Variants in KCNK12 observed in about 807,000 individuals in gnomAD.
The protein encoded by KCNK12 is potassium channel subfamily K member 12.
A neutral mutation model predicts 25.3 loss-of-function variants in KCNK12; 6 were observed. The ratio of observed to expected loss-of-function variants is 0.24; its 90% CI spans 0.13 to 0.47. KCNK12 has a LOEUF of 0.47. Ranked by LOEUF, KCNK12 falls within the 20% of genes least tolerant of loss-of-function variation. The pLI is 0.99. For synonymous variants in KCNK12, 331 were observed against 311.1 expected, an observed-to-expected ratio of 1.06 and a Z score of -0.67; for missense variants, 444 against 661.7, an observed-to-expected ratio of 0.67 and a Z score of 3.61.
intron 1 of KCNK12, chr2:47,535,265 GTGTC>G (rs1481443531): frequency 8.6e-6 from 2 of 233,064 alleles, no homozygotes; most frequent in Non-Finnish European, 1.7e-5. Context: ...GGAGAGCTGT[GTGTC>G]TGCTCTGCTA....
rs1668634282 is a variant in KCNK12, at chr2:47,520,811, A to T, written c.*96T>A. ...TTTTTTTGTTTCATTTTATTGGATA[A>T]AGATTAAGAAAGCGCCAGCAGTGAC... is the stretch of plus-strand genomic sequence containing the variant. On this transcript the variant is annotated 3_prime_UTR_variant, in exon 2 of 2. Coordinates refer to ENST00000327876, the MANE Select transcript of KCNK12 (RefSeq NM_022055.2). This position sits in a 1 kb window ranked among gnomAD's most constrained non-coding sequence, Gnocchi z 5.0. 3.4e-6 allele frequency: 3 copies of T among 882,698 alleles called. No individual in the cohort carries two copies. The highest frequency in any genetic ancestry group is 5.7e-5 in the South Asian group (1 of 17,558). The allele number at this position is 882,698 out of a possible 1,614,324, so 54.7% of individuals were successfully genotyped here. A position where few individuals can be genotyped will look rare whatever the true frequency, so the allele number is the denominator to read the frequency against.
chr2:47,521,877 GGTGT>G, intron 1 of KCNK12, 69 bp from the exon 2 acceptor site: 4 of 1,299,578 alleles, frequency 3.1e-6, no homozygotes, highest in African/African-American at 1.5e-5. Flanking sequence ...GAGGGTGGGG[GGTGT>G]GGGGGCGGGG....
chr2:47,535,566 T>C (rs910625398), intron 1 of KCNK12, among the ~76,000 whole-genome samples: 1 of 152,042 alleles, frequency 6.6e-6, no homozygotes, highest in African/African-American at 2.4e-5. Context: ...AAGTGAGGGA[T>C]GGTGGGGACT....
chr2:47,552,005 G>C (rs867367382), intron 1 of KCNK12, among the ~76,000 whole-genome samples: 2 of 152,274 alleles, frequency 1.3e-5, no homozygotes, highest in African/African-American at 4.8e-5. Flanking sequence ...CCCTGGGGAC[G>C]ACCGGTGGTG....
At chr2:47,554,113 A>G (rs1010245514) in intron 1 of KCNK12, among the ~76,000 whole-genome samples, 3 of 152,230 alleles carry the variant, frequency 2.0e-5, no homozygotes, top group Non-Finnish European at 2.9e-5. Context: ...CCCATTTTAT[A>G]AATGTTAAAA....
chr2:47,570,352 G>A lies in KCNK12; in HGVS notation c.-21C>T, dbSNP rs1026357803. The A allele has an allele frequency of 4.6e-5, 57 of 1,227,528 alleles. No homozygotes were observed. Among genetic ancestry groups the A allele is most frequent in the Non-Finnish European group, 5.6e-5 (55 of 986,320 alleles). The allele number at this position is 1,227,528 out of a possible 1,614,324, so 76.0% of individuals were successfully genotyped here. A position where few individuals can be genotyped will look rare whatever the true frequency, so the allele number is the denominator to read the frequency against. ...GACATGGTCCGGAGCTCAGCCCCGG[G>A]GCCGGGGCGGCGCTCGGGGCCCGGG... On this transcript the variant is annotated 5_prime_UTR_variant, in exon 1 of 2. Transcript: ENST00000327876.
In KCNK12 at chr2:47,520,838, G is replaced by A. The variant is rs1437578777; in HGVS notation, c.*69C>T. ...GATTAAGAAAGCGCCAGCAGTGACT[G>A]AGAGAAGCAAACCACGCCCGGCGGC... On this transcript the variant is annotated 3_prime_UTR_variant, in exon 2 of 2. Transcript: ENST00000327876. The surrounding 1 kb of genome is among the most constrained non-coding windows in gnomAD (Gnocchi z 5.0). 3 of 1,078,458 alleles carry A rather than the reference G, an allele frequency of 2.8e-6. No individual in the cohort carries two copies. In the Admixed American group the frequency reaches 1.3e-4, roughly 46 times the overall value. 66.8% of individuals were successfully genotyped at this position (1,078,458 alleles called of 1,614,324 possible).
rs1463692794 is a variant in KCNK12, at chr2:47,519,267, G to A, written c.*1640C>T. 6.6e-6 allele frequency: 1 copy of A among 152,232 alleles called. No homozygotes were observed. Among genetic ancestry groups the A allele is most frequent in the Non-Finnish European group, 1.5e-5 (1 of 68,054 alleles). 9.4% of individuals were successfully genotyped at this position (152,232 alleles called of 1,614,324 possible). On this transcript the variant is annotated 3_prime_UTR_variant, in exon 2 of 2. Transcript: ENST00000327876. ...GGGGAAAGAAGAGTTTGACATTCAAGTTTGACTCTAATGCTGGGTGCGTGA... is the reference window on the plus strand; with the variant it reads ...GGGGAAAGAAGAGTTTGACATTCAAATTTGACTCTAATGCTGGGTGCGTGA...
At chr2:47,564,447 A>C (rs1669750648) in intron 1 of KCNK12, 1 of 223,478 alleles carries the variant, frequency 4.5e-6, no homozygotes, top group African/African-American at 2.2e-5. Context: ...ACACCCAGCT[A>C]TCCAGCAATA....
rs72888274 is a variant in KCNK12, at chr2:47,512,385, C to T, written c.*8522G>A. 832 of 1,611,820 alleles carry T rather than the reference C, an allele frequency of 5.2e-4. 5 individuals are homozygous for T. In the African/African-American group the frequency reaches 9.0e-3, roughly 17 times the overall value. On this transcript the variant is annotated 3_prime_UTR_variant, in exon 2 of 2. Transcript: ENST00000327876. Reference sequence around the variant, plus strand: ...AAACTTCGTGGGGGAAAGAGATCTGCTTGCAGTCGGCCAGAGAGACAGAAC... The same window carrying T: ...AAACTTCGTGGGGGAAAGAGATCTGTTTGCAGTCGGCCAGAGAGACAGAAC...
rs1160519562 is a variant in KCNK12 at position 47,557,896 on chromosome 2, C to T, written c.391+12045G>A. ...AAACGGCAGTAAGGTGGACTTCATGCAGCTGCTGGGTTCCTGACATTGGTT... is the reference window on the plus strand; with the variant it reads ...AAACGGCAGTAAGGTGGACTTCATGTAGCTGCTGGGTTCCTGACATTGGTT... On this transcript the variant is annotated intron_variant, in intron 1 of 1. Coordinates refer to ENST00000327876, the MANE Select transcript of KCNK12 (RefSeq NM_022055.2). The surrounding 1 kb of genome is among the most constrained non-coding windows in gnomAD (Gnocchi z 4.9). Among the ~76,000 whole-genome samples the T allele has an allele frequency of 6.6e-6, 1 of 152,198 alleles. No homozygotes were observed. The highest frequency in any genetic ancestry group is 2.4e-5 in the African/African-American group (1 of 41,436).
Position 47,512,161 on chromosome 2 carries a change from T to G in KCNK12, c.*8746A>C. ...CCTGCATCCAGATGGCTGGTCCTGC[T>G]CCTCCCAGTCCATGGAGAAAAAAGA... On this transcript the variant is annotated 3_prime_UTR_variant, in exon 2 of 2. Transcript: ENST00000327876. 1 of 1,011,556 alleles carries G rather than the reference T, an allele frequency of 9.9e-7. No homozygotes were observed. The highest frequency in any genetic ancestry group is 1.7e-5 in the South Asian group (1 of 58,170). 62.7% of individuals were successfully genotyped at this position (1,011,556 alleles called of 1,614,324 possible). A position where few individuals can be genotyped will look rare whatever the true frequency, so the allele number is the denominator to read the frequency against.
In KCNK12 at chr2:47,516,415, C is replaced by G. The variant is rs1480702745; in HGVS notation, c.*4492G>C. 1.3e-5 allele frequency among the ~76,000 whole-genome samples: 2 copies of G among 152,182 alleles called. No homozygotes were observed. The highest frequency in any genetic ancestry group is 2.1e-4 in the South Asian group (1 of 4,830). ...GCTGCCCAGGAGGTCCCTTGGTGCC[C>G]TGGGCTCTGTTTCACTGTTGTTTTG... On this transcript the variant is annotated 3_prime_UTR_variant, in exon 2 of 2. Coordinates refer to ENST00000327876, the MANE Select transcript of KCNK12 (RefSeq NM_022055.2).
At position 47,540,549 on chromosome 2, in the gene KCNK12, G is replaced by C. The variant is rs1669174359; in HGVS notation, c.392-18741C>G. On this transcript the variant is annotated intron_variant, in intron 1 of 1. Coordinates refer to ENST00000327876, the MANE Select transcript of KCNK12 (RefSeq NM_022055.2). The surrounding 1 kb of genome is among the most constrained non-coding windows in gnomAD (Gnocchi z 5.4). The stretch of plus-strand genomic sequence containing the variant: ...GCTCCATCTTCTGCCTTTCTGAAGG[G>C]ACAGTGGAAGCATCCATTTGAAGAC... Among the ~76,000 whole-genome samples, 1 of 152,204 alleles carries C rather than the reference G, an allele frequency of 6.6e-6. No individual in the cohort carries two copies. The highest frequency in any genetic ancestry group is 6.5e-5 in the Admixed American group (1 of 15,290).
chr2:47,548,512 C>T lies in KCNK12; in HGVS notation c.391+21429G>A, dbSNP rs1249906592. Among the ~76,000 whole-genome samples, 6 of 152,124 alleles carry T rather than the reference C, an allele frequency of 3.9e-5. No individual in the cohort carries two copies. The highest frequency in any genetic ancestry group is 7.4e-5 in the Non-Finnish European group (5 of 68,026). On this transcript the variant is annotated intron_variant, in intron 1 of 1. Coordinates refer to ENST00000327876, the MANE Select transcript of KCNK12 (RefSeq NM_022055.2). The surrounding 1 kb of genome is among the most constrained non-coding windows in gnomAD (Gnocchi z 4.4). ...TGCTAAGGGCAAAAGTCTTAGAGCC[C>T]TTTTTTATTCTTTTGCTTTCTCTCA...
Position 47,512,480 on chromosome 2 carries a change from A to G in KCNK12, c.*8427T>C, listed in dbSNP as rs759393125. The G allele has an allele frequency of 2.6e-6, 4 of 1,538,070 alleles. No homozygotes were observed. The East Asian group carries it at 9.4e-5, about 36-fold the overall frequency. ...GGTTAAGTTTTTCATTTGTAATTCT[A>G]CAAACATCCCTTCTGTAAACATTTC... On this transcript the variant is annotated 3_prime_UTR_variant, in exon 2 of 2. Coordinates refer to ENST00000327876, the MANE Select transcript of KCNK12 (RefSeq NM_022055.2).
rs931223356 is a variant in KCNK12, at chr2:47,510,413, C to G, written c.*10494G>C. 1.3e-5 allele frequency: 2 copies of G among 152,144 alleles called. No homozygotes were observed. The highest frequency in any genetic ancestry group is 4.8e-5 in the African/African-American group (2 of 41,426). The allele number at this position is 152,144 out of a possible 1,614,324, so 9.4% of individuals were successfully genotyped here. Reference sequence around the variant, plus strand: ...CAGTTGAATGCTTTCATAACTGATACAGGAGGGACCCTGTGATTGGCAGTT... The same window carrying G: ...CAGTTGAATGCTTTCATAACTGATAGAGGAGGGACCCTGTGATTGGCAGTT... On this transcript the variant is annotated 3_prime_UTR_variant, in exon 2 of 2. Transcript: ENST00000327876.
chr2:47,521,973 T>G (rs1213229082), intron 1 of KCNK12, among the ~76,000 whole-genome samples, 165 bp from the exon 2 acceptor site: 2 of 152,220 alleles, frequency 1.3e-5, no homozygotes, highest in South Asian at 4.1e-4. Flanking sequence ...TTTATCTCCC[T>G]TGGTGGCACT....
chr2:47,536,382 G>C (rs1669067259), intron 1 of KCNK12, among the ~76,000 whole-genome samples: 1 of 152,136 alleles, frequency 6.6e-6, no homozygotes, highest in Non-Finnish European at 1.5e-5. Context: ...CCCATGTCTT[G>C]GACTTCTTGC....
Sources: gnomAD v4.1 joint callset for allele counts (sites outside exome capture counted in the v4.1 genomes callset) on GRCh38, gnomAD v4.1.1 for gene constraint, Gnocchi (gnomAD v3.1) non-coding constraint, MANE v1.5 for transcripts, NCBI Gene and HGNC (gene_info 2026-07-23, HGNC 2026-07-21) for gene names.